Variants in TCF7L2 observed in about 807,000 individuals in gnomAD.
The protein encoded by TCF7L2 is transcription factor 7 like 2.
A neutral mutation model predicts 77.9 loss-of-function variants in TCF7L2; 23 were observed. The ratio of observed to expected loss-of-function variants is 0.30; its 90% CI spans 0.21 to 0.42. The LOEUF (loss-of-function observed/expected upper bound fraction) is 0.42, where lower values mean the gene tolerates loss of function less well. Ranked by LOEUF, TCF7L2 falls within the 10% of genes least tolerant of loss-of-function variation. TCF7L2 has a pLI of 1.00. For synonymous variants in TCF7L2, 413 were observed against 340.2 expected (o/e 1.21, Z -2.36); for missense variants, 654 against 793.1 (o/e 0.82, Z 2.11).
In TCF7L2 at chr10:113,089,351, C is replaced by A. The variant is rs759243344; in HGVS notation, c.552+49225C>A. The A allele has an allele frequency of 1.0e-5, 16 of 1,579,614 alleles. No individual in the cohort carries two copies. The African/African-American group carries it at 1.5e-4, about 15-fold the overall frequency. On this transcript the variant is annotated intron_variant, in intron 5 of 13. Transcript: ENST00000627217. ...GGCTGTGTGTGCCTTGGTGACGTGT[C>A]CCCCTCGCTCCCGAGCCTTACTCTG...
intron 5 of TCF7L2, among the ~76,000 whole-genome samples, chr10:113,046,138 CTG>C (rs1478958379): frequency 6.6e-6 from 1 of 152,178 alleles, no homozygotes; most frequent in Non-Finnish European, 1.5e-5. Flanking sequence ...CCCAGAAACT[CTG>C]TCCTCTGGTG....
chr10:113,144,539 A>G (rs1038313541), intron 7 of TCF7L2, among the ~76,000 whole-genome samples: 1 of 152,190 alleles, frequency 6.6e-6, no homozygotes, highest in East Asian at 1.9e-4. Flanking sequence ...GTATGATTCC[A>G]GGACCCCCCA....
chr10:113,045,197 C>T lies in TCF7L2; in HGVS notation c.552+5071C>T, dbSNP rs114168594. 4.6e-3 allele frequency among the ~76,000 whole-genome samples: 693 copies of T among 152,080 alleles called. 10 individuals carry two copies. Among genetic ancestry groups the T allele is most frequent in the African/African-American group, 0.016 (662 of 41,452 alleles). ...GTGTGGGAAAAAGCATGCTAGACACCAAGAGAGAGTGGAGTCAATGAAGAA... is the reference window on the plus strand; with the variant it reads ...GTGTGGGAAAAAGCATGCTAGACACTAAGAGAGAGTGGAGTCAATGAAGAA... On this transcript the variant is annotated intron_variant, in intron 5 of 13. Transcript: ENST00000627217.
intron 5 of TCF7L2, among the ~76,000 whole-genome samples, chr10:113,116,176 T>G (rs1274668368): frequency 6.6e-6 from 1 of 152,116 alleles, no homozygotes; most frequent in South Asian, 2.1e-4. Flanking sequence ...AAAATTAAAT[T>G]TATCATTTTC....
rs1476779016 is a variant in TCF7L2, at chr10:113,015,944, C to T, written c.451-24081C>T. On this transcript the variant is annotated intron_variant, in intron 4 of 13. Transcript: ENST00000627217. The stretch of plus-strand genomic sequence containing the variant: ...GGGGTTTCCTTACCTGGCAAGGTTG[C>T]GGCTGCCATTCCTTGGGGTCTGGGG... 5.9e-5 allele frequency among the ~76,000 whole-genome samples: 9 copies of T among 152,114 alleles called. No individual in the cohort carries two copies. The South Asian group carries it at 1.2e-3, about 21-fold the overall frequency.
At chr10:113,131,193 G>A (rs2066547821) in intron 5 of TCF7L2, among the ~76,000 whole-genome samples, 1 of 152,174 alleles carries the variant, frequency 6.6e-6, no homozygotes, top group Non-Finnish European at 1.5e-5. Flanking sequence ...TGGTCGATAA[G>A]CTCTTCCATC....
intron 4 of TCF7L2, among the ~76,000 whole-genome samples, chr10:113,011,934 G>A (rs1249619972): frequency 6.6e-6 from 1 of 152,128 alleles, no homozygotes; most frequent in East Asian, 1.9e-4. Flanking sequence ...ACTACCTTGA[G>A]TATTGCTGTT....
intron 4 of TCF7L2, among the ~76,000 whole-genome samples, chr10:113,024,068 C>T (rs2048699558): frequency 6.6e-6 from 1 of 151,692 alleles, no homozygotes; most frequent in Admixed American, 6.6e-5. Context: ...GAGGCCAAGG[C>T]GAGTGGATCA....
At chr10:113,073,732 C>T (rs1024779805) in intron 5 of TCF7L2, among the ~76,000 whole-genome samples, 1 of 151,828 alleles carries the variant, frequency 6.6e-6, no homozygotes, top group East Asian at 1.9e-4. Context: ...ATTCTTGGCT[C>T]CGCCCTGCAG....
In TCF7L2 at chr10:113,143,979, G is replaced by A. The variant is rs2136930164; in HGVS notation, c.742G>A (p.Gly248Ser). 6.2e-7 allele frequency: 1 copy of A among 1,614,120 alleles called. No homozygotes were observed. The highest frequency in any genetic ancestry group is 1.1e-5 in the South Asian group (1 of 91,084). ...ATCCCCGTATTACCCACTATCGCCT[G>A]GCACCGTAGGACAAATCCCCCATCC... is the stretch of plus-strand genomic sequence containing the variant. Residue 248 changes from glycine to serine, a missense_variant, in exon 7 of 14, where the codon GGC becomes AGC. Physicochemically the swap from Gly to Ser is moderately conservative, Grantham distance 56 (BLOSUM62 0). Transcript: ENST00000627217.
chr10:113,081,987 GC>G (rs1365110227), intron 5 of TCF7L2, among the ~76,000 whole-genome samples: 3 of 152,130 alleles, frequency 2.0e-5, no homozygotes, highest in African/African-American at 7.2e-5. Flanking sequence ...ACAGGTGCCT[GC>G]CACCACGTCT....
intron 13 of TCF7L2, among the ~76,000 whole-genome samples, chr10:113,163,167 C>A (rs1332656912): frequency 6.6e-6 from 1 of 152,118 alleles, no homozygotes; most frequent in African/African-American, 2.4e-5. Flanking sequence ...TTCCAGATAC[C>A]CCTCTCATTC....
chr10:113,156,454 G>A (rs1408419696), intron 11 of TCF7L2, among the ~76,000 whole-genome samples: 3 of 152,080 alleles, frequency 2.0e-5, no homozygotes, highest in Middle Eastern at 3.2e-3. Context: ...TTTCTCTTCC[G>A]AGTTGACATC....
chr10:113,104,585 T>G (rs1210379982), intron 5 of TCF7L2, among the ~76,000 whole-genome samples: 1 of 152,180 alleles, frequency 6.6e-6, no homozygotes, highest in Non-Finnish European at 1.5e-5. Context: ...TATACCATAC[T>G]CTACAATTCT....
chr10:113,084,762 G>T (rs1053744739), intron 5 of TCF7L2, among the ~76,000 whole-genome samples: 4 of 152,022 alleles, frequency 2.6e-5, no homozygotes, highest in African/African-American at 9.7e-5. Flanking sequence ...GCCGGGAGTG[G>T]TGTTGTGCAC....
chr10:113,074,158 C>G (rs2058440113), intron 5 of TCF7L2, among the ~76,000 whole-genome samples: 1 of 152,128 alleles, frequency 6.6e-6, no homozygotes, highest in Non-Finnish European at 1.5e-5. Context: ...CATCTTGGAT[C>G]TTTTAGATAC....
Position 112,951,216 on chromosome 10 carries a change from C to A in TCF7L2, c.199C>A (p.Arg67=). 1 of 1,584,098 alleles carries A rather than the reference C, an allele frequency of 6.3e-7. No individual in the cohort carries two copies. The highest frequency in any genetic ancestry group is 8.6e-7 in the Non-Finnish European group (1 of 1,167,904). Residue 67 remains arginine (R), a synonymous_variant, in exon 2 of 14, where the codon CGG becomes AGG. Transcript: ENST00000627217. Reference sequence around the variant, plus strand: ...CCACCCCTCTGGGAAGGCGGAAAGACGGCCTCCGCCTCGCTCCGAAAGTTT... The same window carrying A: ...CCACCCCTCTGGGAAGGCGGAAAGAAGGCCTCCGCCTCGCTCCGAAAGTTT...
intron 3 of TCF7L2, among the ~76,000 whole-genome samples, chr10:112,962,857 C>T (rs547514652): frequency 2.6e-5 from 4 of 152,292 alleles, no homozygotes; most frequent in Admixed American, 2.0e-4. Context: ...CCTCAGCCCC[C>T]CAAAGTGCTG....
At chr10:113,141,551 G>C (rs558317481) in intron 6 of TCF7L2, among the ~76,000 whole-genome samples, 1 of 152,306 alleles carries the variant, frequency 6.6e-6, no homozygotes, top group East Asian at 1.9e-4. Context: ...CAGTGTTAAA[G>C]ATCTCTTTAT....
Sources: allele counts gnomAD v4.1 joint callset (sites outside exome capture counted in the v4.1 genomes callset), GRCh38; gene constraint gnomAD v4.1.1; transcripts MANE v1.5; gene names NCBI Gene and HGNC (gene_info 2026-07-23, HGNC 2026-07-21).